The following CACNA1C variants were observed in gnomAD, a reference collection of about 807,000 sequenced individuals.
CACNA1C encodes the protein calcium voltage-gated channel subunit alpha1 C.
In CACNA1C, 30 loss-of-function variants were observed where a neutral mutation model predicts 229.0. The ratio of observed to expected loss-of-function variants is 0.13; its 90% CI spans 0.10 to 0.18. CACNA1C has a LOEUF of 0.18. Ranked by LOEUF, CACNA1C falls within the 10% of genes least tolerant of loss-of-function variation. CACNA1C has a pLI of 1.00. For synonymous variants in CACNA1C, 1,114 were observed against 1,132.5 expected, an observed-to-expected ratio of 0.98 and a Z score of 0.33; for missense variants, 1,658 against 2,845.0, an observed-to-expected ratio of 0.58 and a Z score of 9.49.
At chr12:2,052,759 G>T (rs1232774482), upstream of CACNA1C, among the ~76,000 whole-genome samples, 1 of 145,626 alleles carries the variant, frequency 6.9e-6, no homozygotes, top group Non-Finnish European at 1.5e-5. Context: ...CTCGGGCGGC[G>T]CTGCCGCGGG....
intron 1 of CACNA1C, among the ~76,000 whole-genome samples, chr12:2,080,611 A>C (rs1395879074): frequency 6.6e-6 from 1 of 151,868 alleles, no homozygotes; most frequent in Admixed American, 6.6e-5. Context: ...AAAAAAAAAA[A>C]CAAAAAACAA....
chr12:2,414,527 C>T (rs562716617), intron 3 of CACNA1C, among the ~76,000 whole-genome samples: 21 of 152,196 alleles, frequency 1.4e-4, no homozygotes, highest in African/African-American at 4.3e-4. Flanking sequence ...TGTCTTTATG[C>T]CTGCGTCAGG....
chr12:2,547,441 C>G lies in CACNA1C; in HGVS notation c.1391-2502C>G, dbSNP rs1310170136. ...TGGTTCTTGACACTGACCATCTTGT[C>G]TGTGAAAGGAGGCACTCCGGCGGGC... is the stretch of plus-strand genomic sequence containing the variant. On this transcript the variant is annotated intron_variant, in intron 9 of 46. Transcript: ENST00000399655. 9 of 779,630 alleles carry G rather than the reference C, an allele frequency of 1.2e-5. No individual in the cohort carries two copies. The Admixed American group carries it at 1.5e-4, about 13-fold the overall frequency. 48.3% of individuals were successfully genotyped at this position (779,630 alleles called of 1,614,324 possible).
intron 3 of CACNA1C, among the ~76,000 whole-genome samples, chr12:2,440,363 T>C (rs1460455173): frequency 2.0e-5 from 3 of 152,332 alleles, no homozygotes; most frequent in African/African-American, 4.8e-5. Flanking sequence ...TTCATGTAAG[T>C]GGGATCATAC....
chr12:2,526,745 A>G (rs981099261), intron 9 of CACNA1C, among the ~76,000 whole-genome samples: 4 of 152,248 alleles, frequency 2.6e-5, no homozygotes, highest in African/African-American at 9.6e-5. Context: ...ATAGAGTAGC[A>G]TGTTCACTTC....
intron 32 of CACNA1C, among the ~76,000 whole-genome samples, chr12:2,652,966 C>T (rs1429109711): frequency 2.6e-5 from 4 of 152,374 alleles, no homozygotes; most frequent in Admixed American, 6.5e-5. Flanking sequence ...GCGGCGCAGG[C>T]GTTCGGGCCA....
chr12:2,530,845 T>C (rs1006789587), intron 9 of CACNA1C, among the ~76,000 whole-genome samples: 6 of 152,196 alleles, frequency 3.9e-5, no homozygotes, highest in African/African-American at 1.4e-4. Flanking sequence ...TCTGAGAAGC[T>C]GATGGCCCCA....
chr12:2,186,663 A>G (rs747391075), intron 3 of CACNA1C, among the ~76,000 whole-genome samples: 12 of 152,328 alleles, frequency 7.9e-5, no homozygotes, highest in Middle Eastern at 3.4e-3. Context: ...CCATAGCACA[A>G]TGGACATCAG....
chr12:2,572,581 T>C (rs1600601841), intron 13 of CACNA1C, among the ~76,000 whole-genome samples: 2 of 18,834 alleles, frequency 1.1e-4, no homozygotes, highest in African/African-American at 1.8e-4. Flanking sequence ...CCTTCTCCTC[T>C]CCTCCTCCTT....
At chr12:2,604,646 A>T (rs2153422556) in intron 22 of CACNA1C, among the ~76,000 whole-genome samples, 1 of 152,306 alleles carries the variant, frequency 6.6e-6, no homozygotes, top group South Asian at 2.1e-4. Context: ...AGACCTTCTG[A>T]GCTGATTACA....
chr12:2,259,177 A>G (rs2079097661), intron 3 of CACNA1C, among the ~76,000 whole-genome samples: 1 of 152,162 alleles, frequency 6.6e-6, no homozygotes. Flanking sequence ...CTGCATCAAA[A>G]TCACCTGGGA....
At chr12:2,384,094 C>G (rs1025457037) in intron 3 of CACNA1C, among the ~76,000 whole-genome samples, 2 of 152,242 alleles carry the variant, frequency 1.3e-5, no homozygotes, top group Admixed American at 6.5e-5. Context: ...ACCCTCCAGA[C>G]AAGCTGCCTT....
chr12:2,468,735 C>G (rs1426347222), intron 5 of CACNA1C, among the ~76,000 whole-genome samples: 1 of 152,210 alleles, frequency 6.6e-6, no homozygotes, highest in Non-Finnish European at 1.5e-5. Context: ...GTTGTCACCT[C>G]AGGAATTGTG....
chr12:2,518,113 C>A (rs1352713217), intron 9 of CACNA1C, among the ~76,000 whole-genome samples: 1 of 152,196 alleles, frequency 6.6e-6, no homozygotes, highest in African/African-American at 2.4e-5. Flanking sequence ...GCAGTCATCA[C>A]CAGCTAGCAG....
intron 3 of CACNA1C, among the ~76,000 whole-genome samples, chr12:2,398,730 T>A (rs1204047312): frequency 6.6e-6 from 1 of 152,114 alleles, no homozygotes; most frequent in African/African-American, 2.4e-5. Flanking sequence ...AGAGGATGTG[T>A]GGGGTCTAAA....
At chr12:2,687,222 C>T (rs577562357) in intron 45 of CACNA1C, among the ~76,000 whole-genome samples, 64 of 152,322 alleles carry the variant, frequency 4.2e-4, no homozygotes, top group African/African-American at 1.4e-3. Flanking sequence ...TGGGCAGGGG[C>T]AGGAGGTGGA....
At chr12:1,992,071 C>A in intron 1 of CACNA1C, 1 of 369,548 alleles carries the variant, frequency 2.7e-6, no homozygotes, top group South Asian at 2.6e-5. Context: ...AGGAAAGGGT[C>A]CTGGAGTTGG....
chr12:2,067,481 T>TGTGTGCGTGC lies in CACNA1C; in HGVS notation c.49+13871_49+13872insTGTGCGTGCG, dbSNP rs3085990. Reference sequence around the variant, plus strand: ...GTGTGTGTGTGTGTGTGTGTGTGTGTGCGCGCGTGTGCGTGCCTGTATGTA... The same window carrying TGTGTGCGTGC: ...GTGTGTGTGTGTGTGTGTGTGTGTGTGTGTGCGTGCGCGCGCGTGTGCGTGCCTGTATGTA... On this transcript the variant is annotated intron_variant, in intron 1 of 46. Coordinates refer to ENST00000399655, the MANE Select transcript of CACNA1C (RefSeq NM_000719.7). This position sits in a 1 kb window ranked among gnomAD's most constrained non-coding sequence, Gnocchi z 5.3. 3.6e-5 allele frequency among the ~76,000 whole-genome samples: 5 copies of TGTGTGCGTGC among 140,778 alleles called. No individual in the cohort carries two copies. The highest frequency in any genetic ancestry group is 3.0e-5 in the Non-Finnish European group (2 of 65,688). The allele number at this position is 140,778 out of a possible 152,430, so 92.4% of individuals were successfully genotyped here. A position where few individuals can be genotyped will look rare whatever the true frequency, so the allele number is the denominator to read the frequency against.
chr12:2,168,799 AT>A (rs2096356417), intron 3 of CACNA1C, among the ~76,000 whole-genome samples: 1 of 152,192 alleles, frequency 6.6e-6, no homozygotes, highest in Non-Finnish European at 1.5e-5. Flanking sequence ...GTGAGAAGCT[AT>A]TCTATGATGG....
Sources: gnomAD v4.1 joint callset for allele counts (sites outside exome capture counted in the v4.1 genomes callset) on GRCh38, gnomAD v4.1.1 for gene constraint, Gnocchi (gnomAD v3.1) non-coding constraint, MANE v1.5 for transcripts, NCBI Gene and HGNC (gene_info 2026-07-23, HGNC 2026-07-21) for gene names.